Variants in VANGL2 observed in about 807,000 individuals in gnomAD.
VANGL2 encodes the protein vang-like protein 2.
VANGL2 carries 14 observed loss-of-function variants against 50.2 expected under a neutral mutation model. The observed-to-expected ratio is 0.28, with a 90% CI of 0.18 to 0.44. The LOEUF (loss-of-function observed/expected upper bound fraction) is 0.44. Among genes scored for constraint, VANGL2 ranks in the 20% least tolerant of loss-of-function variants. The probability of loss-of-function intolerance (pLI) is 1.00; values close to 1 mark genes in which losing one functional copy is unlikely to be tolerated. For synonymous variants in VANGL2, 295 were observed against 297.2 expected (o/e 0.99, Z 0.08); for missense variants, 533 against 701.5 (o/e 0.76, Z 2.71).
At chr1:160,422,261 C>T (rs554151505) in intron 6 of VANGL2, among the ~76,000 whole-genome samples, 1 of 152,312 alleles carries the variant, frequency 6.6e-6, no homozygotes, top group South Asian at 2.1e-4. Flanking sequence ...TTGGAAATGG[C>T]CTGAGACTTG....
At chr1:160,404,271 T>G (rs1387840117) in intron 1 of VANGL2, among the ~76,000 whole-genome samples, 1 of 152,180 alleles carries the variant, frequency 6.6e-6, no homozygotes, top group Non-Finnish European at 1.5e-5. Flanking sequence ...ACATGTTGAT[T>G]CACTGCAGCC....
Position 160,424,300 on chromosome 1 carries a change from G to T in VANGL2, c.1305+17G>T. 3 of 1,610,818 alleles carry T rather than the reference G, an allele frequency of 1.9e-6. No individual in the cohort carries two copies. Among genetic ancestry groups the T allele is most frequent in the Non-Finnish European group, 2.5e-6 (3 of 1,177,482 alleles). On this transcript the variant is annotated intron_variant, in intron 7 of 7. Coordinates refer to ENST00000368061, the MANE Select transcript of VANGL2 (RefSeq NM_020335.3). ...ACGCCCAAGGTAGGCCTGCCCTGCT[G>T]CCAGCATCCTTCCTCCTTCCCCAGC...
chr1:160,402,506 C>G (rs1331940634), intron 1 of VANGL2, among the ~76,000 whole-genome samples: 2 of 152,092 alleles, frequency 1.3e-5, no homozygotes, highest in Non-Finnish European at 2.9e-5. Flanking sequence ...AGCTTGGGTT[C>G]CCTGCCCATG....
intron 4 of VANGL2, 100 bp from the exon 5 acceptor site, chr1:160,420,311 G>T: frequency 6.7e-7 from 1 of 1,492,614 alleles, no homozygotes; most frequent in Non-Finnish European, 9.3e-7. Context: ...TCCCTGTCCT[G>T]TGTCCTCTCC....
intron 1 of VANGL2, among the ~76,000 whole-genome samples, chr1:160,408,909 A>G (rs376665382): frequency 2.6e-5 from 4 of 152,352 alleles, no homozygotes; most frequent in African/African-American, 7.2e-5. Flanking sequence ...CTTTTCGGTG[A>G]TAGCAAAAGC....
At chr1:160,409,455 G>A (rs913391994) in intron 1 of VANGL2, among the ~76,000 whole-genome samples, 8 of 152,166 alleles carry the variant, frequency 5.3e-5, no homozygotes, top group African/African-American at 1.7e-4. Flanking sequence ...AAAAGGGAAA[G>A]GGAAAGGGAA....
chr1:160,401,144 G>A (rs980947545), intron 1 of VANGL2, among the ~76,000 whole-genome samples: 5 of 152,080 alleles, frequency 3.3e-5, no homozygotes, highest in East Asian at 3.9e-4. Context: ...CTGGAGAGCC[G>A]GGGACTTTCC....
intron 1 of VANGL2, among the ~76,000 whole-genome samples, chr1:160,411,454 C>T (rs577881762): frequency 5.9e-5 from 9 of 152,006 alleles, no homozygotes; most frequent in African/African-American, 2.2e-4. Flanking sequence ...ACCCCTGATC[C>T]CTGAGACTGA....
chr1:160,427,460 T>G lies in VANGL2; in HGVS notation c.*2082T>G, dbSNP rs1651495940. 6.6e-6 allele frequency: 1 copy of G among 152,398 alleles called. No individual in the cohort carries two copies. The highest frequency in any genetic ancestry group is 1.5e-5 in the Non-Finnish European group (1 of 67,990). 9.4% of individuals were successfully genotyped at this position (152,398 alleles called of 1,614,324 possible). A position where few individuals can be genotyped will look rare whatever the true frequency, so the allele number is the denominator to read the frequency against. ...TCATTCCCCTTTCCTAAAAAAAATTTTTTGCCTCCAACTCTCTAAGCACTA... is the reference window on the plus strand; with the variant it reads ...TCATTCCCCTTTCCTAAAAAAAATTGTTTGCCTCCAACTCTCTAAGCACTA... On this transcript the variant is annotated 3_prime_UTR_variant, in exon 8 of 8. Transcript: ENST00000368061.
At chr1:160,422,932 G>GTCTTGCTC (rs1651320789) in intron 6 of VANGL2, among the ~76,000 whole-genome samples, 2 of 149,900 alleles carry the variant, frequency 1.3e-5, no homozygotes, top group Admixed American at 1.3e-4. Flanking sequence ...TTGAGATGGA[G>GTCTTGCTC]TCTTGCTCTG....
chr1:160,411,346 C>G (rs556148841), intron 1 of VANGL2, among the ~76,000 whole-genome samples: 2 of 151,878 alleles, frequency 1.3e-5, no homozygotes, highest in African/African-American at 4.8e-5. Context: ...CTCCCTGTCT[C>G]GTCATCCCTC....
intron 6 of VANGL2, among the ~76,000 whole-genome samples, chr1:160,422,800 T>C (rs892246833): frequency 6.6e-6 from 1 of 152,206 alleles, no homozygotes; most frequent in Non-Finnish European, 1.5e-5. Context: ...TTAGGCATCC[T>C]GTTGAGTGTG....
At chr1:160,401,430 G>T (rs1437004428) in intron 1 of VANGL2, among the ~76,000 whole-genome samples, 1 of 152,116 alleles carries the variant, frequency 6.6e-6, no homozygotes, top group African/African-American at 2.4e-5. Flanking sequence ...GGTAGACTGT[G>T]TATAGGGGCC....
intron 1 of VANGL2, among the ~76,000 whole-genome samples, chr1:160,408,414 A>G (rs1186710353): frequency 2.0e-5 from 3 of 152,312 alleles, no homozygotes; most frequent in South Asian, 2.1e-4. Flanking sequence ...GGCTTCCCCA[A>G]CTGCTTTTGA....
chr1:160,412,318 G>A (rs1299887884), intron 1 of VANGL2, among the ~76,000 whole-genome samples: 3 of 151,962 alleles, frequency 2.0e-5, no homozygotes, highest in Non-Finnish European at 4.4e-5. Context: ...CTAGACTCTA[G>A]TCCGTGGCAG....
chr1:160,412,402 C>T (rs1224152209), intron 1 of VANGL2, among the ~76,000 whole-genome samples: 1 of 151,984 alleles, frequency 6.6e-6, no homozygotes, highest in Non-Finnish European at 1.5e-5. Context: ...AGCCTCCTAG[C>T]AAAATTCAGT....
rs955907459 is a variant in VANGL2, at chr1:160,419,403, C to A, written c.594C>A (p.Leu198=). The part of the protein sequence containing the change: ...LVFLLVVSYW[L]FYGVRILDAR... ...TCCTGCTCGTGGTCTCCTACTGGCT[C>A]TTCTATGGTGTGCGCATCCTGGATG... The change falls in exon 4 of 8, where the codon CTC becomes CTA. Residue 198 remains leucine, a synonymous_variant. Transcript: ENST00000368061. The surrounding 1 kb of genome is among the most constrained non-coding windows in gnomAD (Gnocchi z 5.8). The A allele has an allele frequency of 5.6e-6, 9 of 1,612,304 alleles. No individual in the cohort carries two copies. Among genetic ancestry groups the A allele is most frequent in the Non-Finnish European group, 7.6e-6 (9 of 1,180,034 alleles).
At chr1:160,418,850 G>T in intron 3 of VANGL2, 152 bp from the exon 4 acceptor site, 2 of 1,022,662 alleles carry the variant, frequency 2.0e-6, no homozygotes, top group Non-Finnish European at 1.4e-6. Flanking sequence ...TGATGGTTGC[G>T]TATTTGTTGA....
At chr1:160,409,234 CAA>C (rs765608120) in intron 1 of VANGL2, among the ~76,000 whole-genome samples, 6 of 152,228 alleles carry the variant, frequency 3.9e-5, no homozygotes, top group Non-Finnish European at 8.8e-5. Flanking sequence ...GAGCACTCCT[CAA>C]AGTCAGTGTT....
Sources: allele counts gnomAD v4.1 joint callset (sites outside exome capture counted in the v4.1 genomes callset), GRCh38; gene constraint gnomAD v4.1.1; non-coding constraint Gnocchi (gnomAD v3.1); transcripts MANE v1.5; gene names NCBI Gene and HGNC (gene_info 2026-07-23, HGNC 2026-07-21).